BCCIP: variants seen among roughly 807,000 people sequenced by gnomAD.
The protein encoded by BCCIP is BRCA2 and CDKN1A interacting protein, also known as BRCA2 and CDKN1A-interacting protein.
BCCIP carries 23 observed loss-of-function variants against 32.8 expected under a neutral mutation model. That is an observed-to-expected ratio of 0.70 (90% CI 0.51 to 0.99). The LOEUF (loss-of-function observed/expected upper bound fraction) is 0.99. BCCIP is among the 50% of genes least tolerant of loss of function. The pLI, the probability that BCCIP is intolerant of heterozygous loss-of-function variation, is 0.00. For missense variants in BCCIP, 378 were observed against 379.8 expected, an observed-to-expected ratio of 1.00 and a Z score of 0.04; for synonymous variants, 144 against 137.6, an observed-to-expected ratio of 1.05 and a Z score of -0.33.
downstream of BCCIP, among the ~76,000 whole-genome samples, chr10:125,839,369 A>G (rs1405941101): frequency 6.6e-6 from 1 of 152,248 alleles, no homozygotes; most frequent in East Asian, 1.9e-4. Flanking sequence ...GTCAGCTGTC[A>G]GGGCACTACC....
downstream of BCCIP, among the ~76,000 whole-genome samples, chr10:125,847,642 A>C (rs1158699702): frequency 6.6e-6 from 1 of 152,170 alleles, no homozygotes; most frequent in Non-Finnish European, 1.5e-5. Flanking sequence ...AGCTCGTTAC[A>C]TGTGCACTTT....
At chr10:125,852,709 A>G (rs1160639738) in intron 7 of BCCIP, 5 of 1,403,944 alleles carry the variant, frequency 3.6e-6, no homozygotes, top group Non-Finnish European at 4.9e-6. Context: ...ACTGATCCTG[A>G]AGAGAATATG....
At chr10:125,850,354 CTTTTTTT>C (rs765077777) in intron 7 of BCCIP, among the ~76,000 whole-genome samples, 2 of 124,560 alleles carry the variant, frequency 1.6e-5, no homozygotes, top group Admixed American at 8.2e-5. Context: ...TTCTTTCTTT[CTTTTTTT>C]TTTTTTTTTT....
downstream of BCCIP, chr10:125,836,554 T>C: frequency 2.2e-6 from 3 of 1,334,974 alleles, no homozygotes; most frequent in South Asian, 3.4e-5. Flanking sequence ...TAAAATAATA[T>C]ACACAGTGTT....
At chr10:125,838,484 G>A (rs763306705), downstream of BCCIP, 7 of 1,168,034 alleles carry the variant, frequency 6.0e-6, no homozygotes, top group East Asian at 5.2e-5. Context: ...TATTTTATAC[G>A]GGATAGTTAA....
downstream of BCCIP, chr10:125,836,640 A>G (rs1437440402): frequency 1.3e-6 from 2 of 1,593,390 alleles, no homozygotes; most frequent in South Asian, 2.3e-5. Context: ...CAGTTCAGCC[A>G]TCCAGCTACC....
At chr10:125,842,874 T>G (rs373669851), downstream of BCCIP, 391 of 698,116 alleles carry the variant, frequency 5.6e-4, no homozygotes, top group African/African-American at 7.3e-3. Flanking sequence ...TTATATATGC[T>G]CAGTCTTTAC....
chr10:125,843,520 G>A (rs192400567), downstream of BCCIP, among the ~76,000 whole-genome samples: 587 of 152,168 alleles, frequency 3.9e-3, 1 homozygote, highest in Non-Finnish European at 5.9e-3. Context: ...GTTGAGGCAG[G>A]AGAATGGCGT....
At chr10:125,831,036 T>C (rs1294308995) in intron 4 of BCCIP, among the ~76,000 whole-genome samples, 3 of 152,254 alleles carry the variant, frequency 2.0e-5, no homozygotes, top group African/African-American at 7.2e-5. Flanking sequence ...TCTCTTTTTA[T>C]TGATTCTCTG....
chr10:125,838,086 G>A (rs562175875), downstream of BCCIP: 12 of 942,258 alleles, frequency 1.3e-5, no homozygotes, highest in Admixed American at 1.8e-4. Context: ...TACTGTCAAC[G>A]TAAATTAAGA....
At chr10:125,826,437 T>G (rs370706109) in intron 1 of BCCIP, 154 bp from the exon 2 acceptor site, 2 of 1,136,834 alleles carry the variant, frequency 1.8e-6, no homozygotes, top group Admixed American at 3.1e-5. Context: ...TTACTCTGAG[T>G]GTTTTGTTTT....
downstream of BCCIP, chr10:125,836,953 C>G: frequency 1.0e-6 from 1 of 983,992 alleles, no homozygotes; most frequent in Non-Finnish European, 1.5e-6. Context: ...GGAGAATCTA[C>G]CTGTAGAACC....
chr10:125,847,232 AAGGG>A (rs987617086), downstream of BCCIP, among the ~76,000 whole-genome samples: 1 of 151,488 alleles, frequency 6.6e-6, no homozygotes, highest in Non-Finnish European at 1.5e-5. Context: ...CATACCATGG[AAGGG>A]AGGGAGGGAG....
At chr10:125,851,363 T>G (rs747998099) in intron 7 of BCCIP, among the ~76,000 whole-genome samples, 2 of 152,176 alleles carry the variant, frequency 1.3e-5, no homozygotes, top group Non-Finnish European at 2.9e-5. Flanking sequence ...TTAAGCCTCA[T>G]GGAATGAGCA....
chr10:125,824,006 C>G (rs977727385), intron 1 of BCCIP, among the ~76,000 whole-genome samples: 8 of 152,228 alleles, frequency 5.3e-5, no homozygotes, highest in Admixed American at 3.3e-4. Flanking sequence ...AGTTCTCAGG[C>G]TGAAGCCTCA....
chr10:125,848,269 G>A (rs141825439), intron 7 of BCCIP, among the ~76,000 whole-genome samples: 5 of 152,240 alleles, frequency 3.3e-5, no homozygotes, highest in Middle Eastern at 3.4e-3. Context: ...GGGAGGAAAG[G>A]CTTCTGCTTC....
exon 8 of BCCIP, chr10:125,853,266 C>T (rs1216938282): frequency 6.7e-7 from 1 of 1,498,172 alleles, no homozygotes; most frequent in South Asian, 1.2e-5. Context: ...ATTTAGGAGG[C>T]TCATAGTCTC....
chr10:125,840,788 C>G, downstream of BCCIP: 1 of 1,503,582 alleles, frequency 6.7e-7, no homozygotes, highest in East Asian at 2.3e-5. Context: ...AATAAGGACT[C>G]AGACTTATCT....
At chr10:125,841,187 T>TTGTGTG, downstream of BCCIP, 1 of 1,391,716 alleles carries the variant, frequency 7.2e-7, no homozygotes, top group Admixed American at 1.9e-5. Context: ...CCCTCTCCTT[T>TTGTGTG]TGTGTGTGTG....
Sources: allele counts gnomAD v4.1 joint callset (sites outside exome capture counted in the v4.1 genomes callset), GRCh38; gene constraint gnomAD v4.1.1; transcripts MANE v1.5; gene names NCBI Gene and HGNC (gene_info 2026-07-23, HGNC 2026-07-21).